RNF213: variants seen among roughly 807,000 people sequenced by gnomAD.
RNF213 encodes E3 ubiquitin-protein ligase RNF213.
Under a neutral mutation model 514.4 loss-of-function variants are expected in RNF213, and 341 were observed. The ratio of observed to expected loss-of-function variants is 0.66; its 90% confidence interval spans 0.61 to 0.73. The LOEUF (loss-of-function observed/expected upper bound fraction) is 0.73. Among genes scored for constraint, RNF213 ranks in the 30% least tolerant of loss-of-function variants. The probability of loss-of-function intolerance (pLI) is 0.00; values close to 1 mark genes in which losing one functional copy is unlikely to be tolerated. For synonymous variants in RNF213, 2,655 were observed against 2,658.2 expected (o/e 1.00, Z 0.04); for missense variants, 5,767 against 6,615.6 (o/e 0.87, Z 4.45).
rs2045975888 is a variant in RNF213 at position 80,317,182 on chromosome 17, T to G, written c.2812-6T>G. 6.2e-7 allele frequency: 1 copy of G among 1,611,126 alleles called. No homozygotes were observed. On this transcript the variant is annotated splice_region_variant and splice_polypyrimidine_tract_variant and intron_variant, in intron 15 of 67. Coordinates refer to ENST00000582970, the MANE Select transcript of RNF213 (RefSeq NM_001256071.3). The surrounding 1 kb of genome is among the most constrained non-coding windows in gnomAD (Gnocchi z 4.1). ...AGTGGGTGTGACCTGTGTGCGGGTTTTGCAGGTCTGGAGGCGGCTGGTGGA... is the reference window on the plus strand; with the variant it reads ...AGTGGGTGTGACCTGTGTGCGGGTTGTGCAGGTCTGGAGGCGGCTGGTGGA...
At chr17:80,301,678 T>G (rs1254350115) in intron 11 of RNF213, among the ~76,000 whole-genome samples, 1 of 152,208 alleles carries the variant, frequency 6.6e-6, no homozygotes, top group Non-Finnish European at 1.5e-5. Context: ...GAAACTCTCA[T>G]ACAGTGTAGG....
intron 20 of RNF213, among the ~76,000 whole-genome samples, chr17:80,331,684 C>T (rs906334737): frequency 2.6e-5 from 4 of 152,286 alleles, no homozygotes; most frequent in African/African-American, 4.8e-5. Flanking sequence ...TGAGCCACTG[C>T]GCCCAACTAG....
In RNF213 at chr17:80,278,228, TCTCCCGGCGATGC is replaced by T. The variant is rs144586324; in HGVS notation, c.261+4826_261+4838del. Reference sequence around the variant, plus strand: ...TCCTGCTGGGCGTCTTGCTGTGAGGTCTCCCGGCGATGCCCGGTGTGGTGTGGAAGGGAGGTGT... The same window carrying T: ...TCCTGCTGGGCGTCTTGCTGTGAGGTCCGGTGTGGTGTGGAAGGGAGGTGT... On this transcript the variant is annotated intron_variant, in intron 3 of 67. Transcript: ENST00000582970. Among the ~76,000 whole-genome samples the T allele has an allele frequency of 7.0e-3, 1,061 of 152,202 alleles. 14 individuals carry two copies. Among genetic ancestry groups the T allele is most frequent in the African/African-American group, 0.025 (1,021 of 41,530 alleles).
intron 64 of RNF213, 55 bp downstream of exon 64, chr17:80,388,744 T>C: frequency 7.4e-7 from 1 of 1,348,332 alleles, no homozygotes; most frequent in Non-Finnish European, 1.1e-6. Flanking sequence ...CTCAGTGTGT[T>C]TCCCTCCGTG....
Position 80,343,422 on chromosome 17 carries a change from C to A in RNF213, c.6183+97C>A. ...TCCCCGTGTATAGAATTCCTTGTTT[C>A]CACACGCACAGTCCTGTGAAGCTTA... On this transcript the variant is annotated intron_variant, in intron 27 of 67. Transcript: ENST00000582970. The surrounding 1 kb of genome is among the most constrained non-coding windows in gnomAD (Gnocchi z 4.3). 9.3e-7 allele frequency: 1 copy of A among 1,071,166 alleles called. No homozygotes were observed. Among genetic ancestry groups the A allele is most frequent in the South Asian group, 1.3e-5 (1 of 74,528 alleles). The allele number at this position is 1,071,166 out of a possible 1,614,324, so 66.4% of individuals were successfully genotyped here.
chr17:80,286,723 C>T (rs2143194761), intron 3 of RNF213, among the ~76,000 whole-genome samples: 1 of 152,198 alleles, frequency 6.6e-6, no homozygotes, highest in African/African-American at 2.4e-5. Context: ...CACCTGCTGC[C>T]TGGCAGTTTG....
In RNF213 at chr17:80,373,093, G is replaced by A; in HGVS notation, c.12870G>A (p.Glu4290=). 6.2e-7 allele frequency: 1 copy of A among 1,613,858 alleles called. No individual in the cohort carries two copies. The highest frequency in any genetic ancestry group is 8.5e-7 in the Non-Finnish European group (1 of 1,180,000). Residue 4290 remains glutamate (E), a synonymous_variant, in exon 49 of 68, where the codon GAG becomes GAA. Coordinates refer to ENST00000582970, the MANE Select transcript of RNF213 (RefSeq NM_001256071.3). ...VRKLSSQRGM[E]FVQGLSKPGR... Reference sequence around the variant, plus strand: ...AGCTCAGCAGCCAGCGGGGGATGGAGTTCGTGCAGGGCCTCTCCAAGCCCG... The same window carrying A: ...AGCTCAGCAGCCAGCGGGGGATGGAATTCGTGCAGGGCCTCTCCAAGCCCG...
At chr17:80,290,383 G>T (rs893784378) in intron 6 of RNF213, among the ~76,000 whole-genome samples, 187 bp from the exon 7 acceptor site, 1 of 151,470 alleles carries the variant, frequency 6.6e-6, no homozygotes, top group African/African-American at 2.4e-5. Flanking sequence ...GTGCGTGCAC[G>T]TGTGTGCGTG....
intron 29 of RNF213, 137 bp from the exon 30 acceptor site, chr17:80,349,633 G>T: frequency 1.9e-6 from 2 of 1,026,318 alleles, no homozygotes; most frequent in Non-Finnish European, 3.0e-6. Context: ...ACTCCTTTGG[G>T]TTTGGATTCT....
intron 55 of RNF213, among the ~76,000 whole-genome samples, chr17:80,379,952 A>G (rs2079919683): frequency 6.6e-6 from 1 of 152,190 alleles, no homozygotes; most frequent in African/African-American, 2.4e-5. Context: ...ACAGCTGTTA[A>G]TATGAATACA....
chr17:80,376,633 T>C, intron 52 of RNF213, 90 bp downstream of exon 52: 2 of 1,561,358 alleles, frequency 1.3e-6, no homozygotes, highest in South Asian at 1.1e-5. Context: ...GTGGGAACTC[T>C]TGAGCATCTT....
intron 3 of RNF213, among the ~76,000 whole-genome samples, chr17:80,284,960 A>T (rs1237562032): frequency 6.6e-6 from 1 of 152,212 alleles, no homozygotes; most frequent in Non-Finnish European, 1.5e-5. Flanking sequence ...CAGCCCACGC[A>T]CAAGAGCTGC....
chr17:80,299,301 G>A (rs971758126), intron 11 of RNF213, among the ~76,000 whole-genome samples: 16 of 152,136 alleles, frequency 1.1e-4, no homozygotes, highest in Admixed American at 7.9e-4. Context: ...GTGCAGTTTC[G>A]TTTTTTCAGC....
chr17:80,346,828 G>T lies in RNF213; in HGVS notation c.8493G>T (p.Gly2831=). 2.5e-6 allele frequency: 4 copies of T among 1,614,158 alleles called. No homozygotes were observed. The highest frequency in any genetic ancestry group is 3.4e-6 in the Non-Finnish European group (4 of 1,180,028). The part of the protein sequence containing the change: ...TFRQCARFQQ[G]KDLQQYVSVV... ...GGCAGTGCGCCCGCTTTCAGCAGGG[G>T]AAGGACCTGCAGCAGTACGTCTCTG... Residue 2831 remains glycine, a synonymous_variant, in exon 29 of 68, where the codon GGG becomes GGT. Transcript: ENST00000582970. This position sits in a 1 kb window ranked among gnomAD's most constrained non-coding sequence, Gnocchi z 8.1.
intron 3 of RNF213, among the ~76,000 whole-genome samples, chr17:80,286,296 G>A (rs1209963623): frequency 1.3e-5 from 2 of 152,102 alleles, no homozygotes; most frequent in African/African-American, 2.4e-5. Flanking sequence ...GGGGGTGGGG[G>A]CGCCTCCTGT....
In RNF213 at chr17:80,389,381, C is replaced by T. The variant is rs373144473; in HGVS notation, c.15195+14C>T. ...CACGTGTTAAAGGTGGGTCTCACAC[C>T]GAAAAGGAAATCAGCACAGCCCCTC... On this transcript the variant is annotated intron_variant, in intron 65 of 67. Transcript: ENST00000582970. 251 of 1,612,338 alleles carry T rather than the reference C, an allele frequency of 1.6e-4. 1 individual carries two copies. The highest frequency in any genetic ancestry group is 9.2e-4 in the Admixed American group (55 of 59,918).
intron 3 of RNF213, among the ~76,000 whole-genome samples, chr17:80,281,218 CCACACACACCCCACT>C (rs2044252746): frequency 9.3e-6 from 1 of 107,662 alleles, no homozygotes; most frequent in African/African-American, 3.5e-5. Flanking sequence ...ACACACACCC[CCACACACACCCCACT>C]CACACACACC....
In RNF213 at chr17:80,353,551, C is replaced by T. The variant is rs369786853; in HGVS notation, c.10463C>T (p.Ala3488Val). 37 of 1,613,418 alleles carry T rather than the reference C, an allele frequency of 2.3e-5. No homozygotes were observed. Among genetic ancestry groups the T allele is most frequent in the South Asian group, 1.1e-4 (10 of 90,988 alleles). Residue 3488 changes from alanine to valine, a missense_variant, in exon 34 of 68, where the codon GCG becomes GTG. By Grantham distance (64) the Ala-to-Val change is moderately conservative. Coordinates refer to ENST00000582970, the MANE Select transcript of RNF213 (RefSeq NM_001256071.3). The surrounding 1 kb of genome is among the most constrained non-coding windows in gnomAD (Gnocchi z 5.0). The stretch of plus-strand genomic sequence containing the variant: ...CGGGCGGAAGACGGCCATGAGGAGG[C>T]GATGGAGACGGAGGCCAGCACATCA... ...EHRAEDGHEE[A>V]METEASTSGE... is the part of the protein sequence containing the mutation.
At chr17:80,374,791 A>G (rs1385872950) in intron 50 of RNF213, 4 of 596,756 alleles carry the variant, frequency 6.7e-6, no homozygotes, top group African/African-American at 1.8e-5. Flanking sequence ...CAGGACAGCT[A>G]TGACAGTTGA....
Sources: allele counts gnomAD v4.1 joint callset (sites outside exome capture counted in the v4.1 genomes callset), GRCh38; gene constraint gnomAD v4.1.1; non-coding constraint Gnocchi (gnomAD v3.1); transcripts MANE v1.5; gene names NCBI Gene and HGNC (gene_info 2026-07-23, HGNC 2026-07-21).